DNAH6: variants seen among roughly 807,000 people sequenced by gnomAD.
DNAH6 encodes the protein dynein axonemal heavy chain 6, also known as axonemal beta dynein heavy chain 6.
In DNAH6, 340 loss-of-function variants were observed where a neutral mutation model predicts 491.4. That is an observed-to-expected ratio of 0.69 (90% CI 0.63 to 0.76). The LOEUF (loss-of-function observed/expected upper bound fraction) is 0.76. Ranked by LOEUF, DNAH6 falls within the 30% of genes least tolerant of loss-of-function variation. The pLI, the probability that DNAH6 is intolerant of heterozygous loss-of-function variation, is 0.00. For missense variants in DNAH6, 4,443 were observed against 4,972.2 expected (o/e 0.89, Z 3.20); for synonymous variants, 1,603 against 1,686.1 (o/e 0.95, Z 1.21).
At chr2:84,811,497 G>T (rs1482208796) in intron 72 of DNAH6, among the ~76,000 whole-genome samples, 1 of 152,136 alleles carries the variant, frequency 6.6e-6, no homozygotes, top group Non-Finnish European at 1.5e-5. Context: ...TTGGAGACAT[G>T]TTTTAAGGAG....
intron 45 of DNAH6, 83 bp from the exon 46 acceptor site, chr2:84,694,166 C>A: frequency 7.8e-7 from 1 of 1,282,940 alleles, no homozygotes; most frequent in Non-Finnish European, 1.1e-6. Context: ...CACTGGCCAC[C>A]AGCCTTTGGC....
At chr2:84,529,720 G>A (rs943664910) in intron 4 of DNAH6, among the ~76,000 whole-genome samples, 11 of 152,148 alleles carry the variant, frequency 7.2e-5, no homozygotes, top group Non-Finnish European at 1.2e-4. Flanking sequence ...GATAATAGTA[G>A]GACTTAAAGA....
intron 2 of DNAH6, among the ~76,000 whole-genome samples, chr2:84,523,809 T>C (rs1186714559): frequency 6.6e-6 from 1 of 152,144 alleles, no homozygotes; most frequent in Non-Finnish European, 1.5e-5. Flanking sequence ...TGCACTGTGG[T>C]CTAAGAGTGT....
chr2:84,553,050 G>A lies in DNAH6; in HGVS notation c.1602+16G>A, dbSNP rs373997803. ...AGACTTTCTGGTGTGTGTTTTTCATGTATTATCCACATGCAAGCACCTATT... is the reference window on the plus strand; with the variant it reads ...AGACTTTCTGGTGTGTGTTTTTCATATATTATCCACATGCAAGCACCTATT... On this transcript the variant is annotated intron_variant, in intron 10 of 76. Coordinates refer to ENST00000389394, the MANE Select transcript of DNAH6 (RefSeq NM_001370.2). 39 of 1,465,186 alleles carry A rather than the reference G, an allele frequency of 2.7e-5. No individual in the cohort carries two copies. The highest frequency in any genetic ancestry group is 3.4e-5 in the Non-Finnish European group (36 of 1,064,464). 90.8% of individuals were successfully genotyped at this position (1,465,186 alleles called of 1,614,324 possible). A position where few individuals can be genotyped will look rare whatever the true frequency, so the allele number is the denominator to read the frequency against.
intron 10 of DNAH6, among the ~76,000 whole-genome samples, chr2:84,554,924 A>G (rs1446644597): frequency 2.0e-5 from 3 of 152,206 alleles, no homozygotes; most frequent in South Asian, 2.1e-4. Flanking sequence ...CTCATTTCCT[A>G]TTATAGGACC....
chr2:84,613,687 G>C (rs58515611), intron 22 of DNAH6, among the ~76,000 whole-genome samples: 1,759 of 152,172 alleles, frequency 0.012, 38 homozygotes, highest in African/African-American at 0.04. Context: ...AGACTGGCTT[G>C]GTTTGGAGAG....
In DNAH6 at chr2:84,549,308, G is replaced by T. The variant is rs150464607; in HGVS notation, c.1317-581G>T. 5.3e-5 allele frequency among the ~76,000 whole-genome samples: 8 copies of T among 152,250 alleles called. No homozygotes were observed. In the East Asian group the frequency reaches 1.3e-3, roughly 26 times the overall value. On this transcript the variant is annotated intron_variant, in intron 8 of 76. Transcript: ENST00000389394. ...GTGTAGCAACAGAAATCAGTGAAGC[G>T]GTCTCTGAGGCTACCATAGTGGACC...
intron 64 of DNAH6, among the ~76,000 whole-genome samples, chr2:84,765,538 G>T (rs1028778588): frequency 1.3e-5 from 2 of 152,010 alleles, no homozygotes; most frequent in Admixed American, 1.3e-4. Flanking sequence ...AAAATTCGTG[G>T]TTTCATGTAA....
intron 58 of DNAH6, 74 bp from the exon 59 acceptor site, chr2:84,718,130 C>G: frequency 4.8e-6 from 6 of 1,259,500 alleles, no homozygotes; most frequent in Non-Finnish European, 6.4e-6. Context: ...CGATTACAAA[C>G]AGAGAAAGAA....
At chr2:84,718,684 G>T (rs974791248) in intron 59 of DNAH6, among the ~76,000 whole-genome samples, 4 of 152,196 alleles carry the variant, frequency 2.6e-5, no homozygotes, top group African/African-American at 9.6e-5. Flanking sequence ...GCCATCACCT[G>T]CAGGAAGCCT....
intron 11 of DNAH6, among the ~76,000 whole-genome samples, chr2:84,564,816 G>A (rs1466407020): frequency 6.6e-6 from 1 of 152,134 alleles, no homozygotes; most frequent in Non-Finnish European, 1.5e-5. Context: ...TATGATGTTG[G>A]CTGTGTGTTT....
intron 33 of DNAH6, among the ~76,000 whole-genome samples, chr2:84,644,920 A>G (rs1199631265): frequency 6.6e-6 from 1 of 152,172 alleles, no homozygotes; most frequent in Non-Finnish European, 1.5e-5. Flanking sequence ...ATATGTCTTT[A>G]TAACAGAATG....
At chr2:84,604,588 G>C (rs1161325045) in intron 19 of DNAH6, 37 bp downstream of exon 19, 2 of 1,467,362 alleles carry the variant, frequency 1.4e-6, no homozygotes, top group Admixed American at 2.2e-5. Context: ...TATACCATTA[G>C]GGAATGTGAA....
intron 15 of DNAH6, 80 bp downstream of exon 15, chr2:84,584,330 G>A: frequency 3.0e-6 from 4 of 1,345,944 alleles, no homozygotes; most frequent in Non-Finnish European, 4.1e-6. Flanking sequence ...ATAATCAACA[G>A]ATAAAAATTG....
chr2:84,771,009 C>T (rs1204690871), intron 64 of DNAH6, among the ~76,000 whole-genome samples: 3 of 151,610 alleles, frequency 2.0e-5, no homozygotes, highest in Non-Finnish European at 4.4e-5. Context: ...AAAATGGGGG[C>T]CCAGCGTGGT....
intron 4 of DNAH6, among the ~76,000 whole-genome samples, chr2:84,540,211 C>T (rs1487678919): frequency 6.6e-6 from 1 of 152,096 alleles, no homozygotes; most frequent in East Asian, 1.9e-4. Flanking sequence ...TGCATTCAAG[C>T]ATGGCCTAAA....
chr2:84,605,137 G>A lies in DNAH6; in HGVS notation c.3082-363G>A, dbSNP rs190673807. The stretch of plus-strand genomic sequence containing the variant: ...CCAAGGCAGACAGATCACGAGGTCA[G>A]GAGATCAAGACTATCCTGGCTAGCA... On this transcript the variant is annotated intron_variant, in intron 19 of 76. Transcript: ENST00000389394. 2.4e-3 allele frequency among the ~76,000 whole-genome samples: 357 copies of A among 151,686 alleles called. 3 individuals carry two copies. The highest frequency in any genetic ancestry group is 8.3e-3 in the African/African-American group (344 of 41,360).
chr2:84,547,369 A>C lies in DNAH6; in HGVS notation c.1032A>C (p.Glu344Asp). 1 of 1,551,786 alleles carries C rather than the reference A, an allele frequency of 6.4e-7. No homozygotes were observed. The highest frequency in any genetic ancestry group is 8.7e-7 in the Non-Finnish European group (1 of 1,146,958). Residue 344 changes from glutamate to aspartate, a missense_variant, in exon 6 of 77, where the codon GAA becomes GAC. Physicochemically the swap from Glu to Asp is conservative, Grantham distance 45. Transcript: ENST00000389394. The part of the protein sequence containing the change: ...IEKCHTYTLQ[E>D]FKAAQVIRLA... ...AGTGTCACACCTACACCCTGCAGGAATTTAAGGCCGCACAAGTCATACGGC... is the reference window on the plus strand; with the variant it reads ...AGTGTCACACCTACACCCTGCAGGACTTTAAGGCCGCACAAGTCATACGGC...
chr2:84,597,310 AG>A (rs1298429420), intron 18 of DNAH6, among the ~76,000 whole-genome samples: 4 of 152,240 alleles, frequency 2.6e-5, no homozygotes, highest in Admixed American at 6.5e-5. Flanking sequence ...AATGGGCAAA[AG>A]ATTTGAATAC....
Sources: allele counts gnomAD v4.1 joint callset (sites outside exome capture counted in the v4.1 genomes callset), GRCh38; gene constraint gnomAD v4.1.1; transcripts MANE v1.5; gene names NCBI Gene and HGNC (gene_info 2026-07-23, HGNC 2026-07-21).